ACER2: variants seen among roughly 807,000 people sequenced by gnomAD.
ACER2 encodes the protein alkCDase 2.
ACER2 carries 26 observed loss-of-function variants against 34.7 expected under a neutral mutation model. The ratio of observed to expected loss-of-function variants is 0.75; its 90% CI spans 0.55 to 1.04. The LOEUF is 1.04. ACER2 is among the 50% of genes least tolerant of loss of function. The pLI is 0.00. For synonymous variants in ACER2, 138 were observed against 132.1 expected, an observed-to-expected ratio of 1.04 and a Z score of -0.31; for missense variants, 352 against 340.8, an observed-to-expected ratio of 1.03 and a Z score of -0.26.
intron 1 of ACER2, among the ~76,000 whole-genome samples, chr9:19,415,451 C>A (rs369072155): frequency 5.9e-5 from 9 of 151,782 alleles, no homozygotes; most frequent in Non-Finnish European, 1.5e-5. Context: ...GCCAAGATTT[C>A]GCCACTGTAC....
intron 3 of ACER2, among the ~76,000 whole-genome samples, chr9:19,429,517 A>G (rs1416089700): frequency 1.3e-5 from 2 of 152,070 alleles, no homozygotes; most frequent in Admixed American, 1.3e-4. Flanking sequence ...TTTTTTGTAG[A>G]GACAAGGTTT....
chr9:19,443,813 C>A (rs1251853199), intron 4 of ACER2, among the ~76,000 whole-genome samples: 1 of 152,122 alleles, frequency 6.6e-6, no homozygotes, highest in Non-Finnish European at 1.5e-5. Context: ...TGTGCCACCA[C>A]CCCCGGCTAA....
chr9:19,425,741 T>C (rs1830539384), intron 3 of ACER2, among the ~76,000 whole-genome samples: 1 of 152,146 alleles, frequency 6.6e-6, no homozygotes, highest in South Asian at 2.1e-4. Flanking sequence ...CAGAGGAGAT[T>C]CAGCCCAATG....
At chr9:19,413,973 A>C (rs547190635) in intron 1 of ACER2, among the ~76,000 whole-genome samples, 26 of 152,322 alleles carry the variant, frequency 1.7e-4, no homozygotes, top group Non-Finnish European at 2.8e-4. Context: ...GTAAATAGTC[A>C]TATGGGTGGT....
At chr9:19,447,384 A>G (rs1472076444) in intron 5 of ACER2, among the ~76,000 whole-genome samples, 6 of 152,210 alleles carry the variant, frequency 3.9e-5, no homozygotes, top group African/African-American at 7.2e-5. Flanking sequence ...TATATTTGCT[A>G]TGAGACCCAC....
At chr9:19,440,372 A>G (rs1458919934) in intron 4 of ACER2, among the ~76,000 whole-genome samples, 1 of 152,166 alleles carries the variant, frequency 6.6e-6, no homozygotes, top group Non-Finnish European at 1.5e-5. Context: ...CATATGTTGA[A>G]ATACTAATTA....
chr9:19,422,780 C>T (rs1830443667), intron 1 of ACER2, among the ~76,000 whole-genome samples: 1 of 151,754 alleles, frequency 6.6e-6, no homozygotes, highest in Admixed American at 6.6e-5. Context: ...CCTATAATCC[C>T]AGAACTTTGG....
At chr9:19,450,223 G>C (rs1347352161) in intron 5 of ACER2, 1 of 985,274 alleles carries the variant, frequency 1.0e-6, no homozygotes, top group Non-Finnish European at 1.2e-6. Flanking sequence ...TATCCAGCAG[G>C]ACTATTTAAG....
intron 5 of ACER2, among the ~76,000 whole-genome samples, chr9:19,449,375 T>G (rs1831483848): frequency 6.6e-6 from 1 of 152,230 alleles, no homozygotes; most frequent in Non-Finnish European, 1.5e-5. Context: ...TTCTTTAGTG[T>G]TCTTTGTATG....
intron 4 of ACER2, among the ~76,000 whole-genome samples, chr9:19,435,535 A>C (rs1344700920): frequency 2.0e-5 from 3 of 152,226 alleles, no homozygotes; most frequent in Admixed American, 1.3e-4. Flanking sequence ...TTTACAATCT[A>C]TTAGGTAAAG....
At chr9:19,419,518 C>G (rs868546969) in intron 1 of ACER2, among the ~76,000 whole-genome samples, 7 of 152,174 alleles carry the variant, frequency 4.6e-5, no homozygotes, top group Non-Finnish European at 7.3e-5. Context: ...GTAATCCTGG[C>G]ACTGTTAAAG....
At chr9:19,433,602 C>T (rs1446074350) in intron 3 of ACER2, among the ~76,000 whole-genome samples, 1 of 152,270 alleles carries the variant, frequency 6.6e-6, no homozygotes, top group Non-Finnish European at 1.5e-5. Context: ...CTTTTCCCCA[C>T]CTTTCCTCCC....
chr9:19,424,824 G>T lies in ACER2; in HGVS notation c.348G>T (p.Lys116Asn). 1 of 1,614,156 alleles carries T rather than the reference G, an allele frequency of 6.2e-7. No individual in the cohort carries two copies. The highest frequency in any genetic ancestry group is 8.5e-7 in the Non-Finnish European group (1 of 1,180,032). The change falls in exon 3 of 6, where the codon AAG becomes AAT. Residue 116 changes from lysine to asparagine, a missense_variant. Coordinates refer to ENST00000340967, the MANE Select transcript of ACER2 (RefSeq NM_001010887.3). ...AMWFPRRYLPKIFRNDRGRFK... is the reference protein window; with the variant it reads ...AMWFPRRYLPNIFRNDRGRFK... ...GGTTCCCCAGAAGGTATCTACCAAAGATCTTTCGGAATGACCGGTAAGCTT... is the reference window on the plus strand; with the variant it reads ...GGTTCCCCAGAAGGTATCTACCAAATATCTTTCGGAATGACCGGTAAGCTT...
chr9:19,440,810 C>T (rs1446977050), intron 4 of ACER2, among the ~76,000 whole-genome samples: 1 of 152,146 alleles, frequency 6.6e-6, no homozygotes, highest in Non-Finnish European at 1.5e-5. Context: ...CCTCTTAACT[C>T]TACTATTATG....
intron 1 of ACER2, among the ~76,000 whole-genome samples, chr9:19,412,292 C>T (rs1830108286): frequency 6.6e-6 from 1 of 152,044 alleles, no homozygotes; most frequent in Non-Finnish European, 1.5e-5. Flanking sequence ...TGAAAAATAA[C>T]CTTCTGTATC....
intron 1 of ACER2, among the ~76,000 whole-genome samples, chr9:19,415,208 G>A (rs1476784855): frequency 6.6e-6 from 1 of 152,066 alleles, no homozygotes; most frequent in Non-Finnish European, 1.5e-5. Flanking sequence ...GAAACTGTTT[G>A]GGCCAGGTGT....
At chr9:19,440,294 G>A (rs1831114899) in intron 4 of ACER2, among the ~76,000 whole-genome samples, 1 of 152,088 alleles carries the variant, frequency 6.6e-6, no homozygotes, top group Admixed American at 6.5e-5. Context: ...TTGCATGTAG[G>A]AATCCCTTAA....
rs998038937 is a variant in ACER2 at position 19,434,870 on chromosome 9, T to C, written c.366-77T>C. On this transcript the variant is annotated intron_variant, in intron 3 of 5. Transcript: ENST00000340967. Reference sequence around the variant, plus strand: ...CAGCTTGTATTTCTGGCAATGCCTGTACCTTGCTAACATTAAACAAACAAA... The same window carrying C: ...CAGCTTGTATTTCTGGCAATGCCTGCACCTTGCTAACATTAAACAAACAAA... The C allele has an allele frequency of 8.9e-6, 14 of 1,571,550 alleles. No individual in the cohort carries two copies. In the South Asian group the frequency reaches 1.5e-4, roughly 17 times the overall value.
intron 4 of ACER2, among the ~76,000 whole-genome samples, chr9:19,440,817 T>G (rs768595995): frequency 6.6e-6 from 1 of 152,116 alleles, no homozygotes; most frequent in Non-Finnish European, 1.5e-5. Flanking sequence ...ACTCTACTAT[T>G]ATGTGTCTAG....
Sources: gnomAD v4.1 joint callset for allele counts (sites outside exome capture counted in the v4.1 genomes callset) on GRCh38, gnomAD v4.1.1 for gene constraint, MANE v1.5 for transcripts, NCBI Gene and HGNC (gene_info 2026-07-23, HGNC 2026-07-21) for gene names.